FBLN1: variants seen among roughly 807,000 people sequenced by gnomAD.
FBLN1 encodes the protein fibulin-1.
A neutral mutation model predicts 89.7 loss-of-function variants in FBLN1; 34 were observed. The observed-to-expected ratio is 0.38, with a 90% CI of 0.29 to 0.50. FBLN1 has a LOEUF of 0.50. FBLN1 is among the 20% of genes least tolerant of loss of function. The pLI, the probability that FBLN1 is intolerant of heterozygous loss-of-function variation, is 0.92. For missense variants in FBLN1, 777 were observed against 988.1 expected, an observed-to-expected ratio of 0.79 and a Z score of 2.86; for synonymous variants, 393 against 391.3, an observed-to-expected ratio of 1.00 and a Z score of -0.05.
At chr22:45,522,232 C>T (rs1894657) in intron 2 of FBLN1, among the ~76,000 whole-genome samples, 60,210 of 152,088 alleles carry the variant, frequency 0.4, 14,059 homozygotes, top group East Asian at 0.72. Flanking sequence ...AGTGATTGGA[C>T]GCCTCAGCCT....
chr22:45,559,923 TG>T (rs2088831391), intron 14 of FBLN1, among the ~76,000 whole-genome samples: 1 of 152,262 alleles, frequency 6.6e-6, no homozygotes, highest in African/African-American at 2.4e-5. Flanking sequence ...GTTCTGGGTC[TG>T]TAAACTGGTT....
intron 11 of FBLN1, 152 bp downstream of exon 11, chr22:45,543,678 A>G (rs892801819): frequency 8.8e-7 from 1 of 1,133,828 alleles, no homozygotes; most frequent in Non-Finnish European, 1.3e-6. Context: ...ATTGTTCATC[A>G]GAGAGGACTG....
At chr22:45,547,267 A>G (rs2088642306) in intron 12 of FBLN1, 63 bp downstream of exon 12, 2 of 1,601,546 alleles carry the variant, frequency 1.2e-6, no homozygotes, top group Admixed American at 3.3e-5. Flanking sequence ...ACACAGCAGC[A>G]CGGCCTCTGA....
chr22:45,504,616 G>A (rs759222989), intron 1 of FBLN1, among the ~76,000 whole-genome samples: 7 of 152,116 alleles, frequency 4.6e-5, no homozygotes, highest in Non-Finnish European at 7.4e-5. Flanking sequence ...GAAGCTGAGG[G>A]CCTGAGAGAA....
chr22:45,515,866 G>T (rs2088163219), intron 1 of FBLN1, among the ~76,000 whole-genome samples: 1 of 152,248 alleles, frequency 6.6e-6, no homozygotes, highest in Admixed American at 6.5e-5. Context: ...GAGCAAGAAA[G>T]TGCTGGAGCT....
rs1380214816 is a variant in FBLN1 at position 45,577,031 on chromosome 22, T to A, written c.1895T>A (p.Ile632Asn). 1.2e-6 allele frequency: 2 copies of A among 1,614,124 alleles called. No individual in the cohort carries two copies. The highest frequency in any genetic ancestry group is 4.5e-5 in the East Asian group (2 of 44,866). The change falls in exon 16 of 17, where the codon ATC (isoleucine) becomes AAC (asparagine). Residue 632 changes from isoleucine (I) to asparagine (N), a missense_variant. Ile to Asn is a moderately radical substitution (Grantham distance 149). Coordinates refer to ENST00000327858, the MANE Select transcript of FBLN1 (RefSeq NM_006486.3). This position sits in a 1 kb window ranked among gnomAD's most constrained non-coding sequence, Gnocchi z 6.6. ...TPPHPASQAN[I>N]IFDITEGNLR... ...CCGCATCCTGCCAGCCAGGCTAACA[T>A]CATCTTCGACATCACGGAAGGGAAC...
intron 16 of FBLN1, among the ~76,000 whole-genome samples, chr22:45,587,431 G>T (rs554320900): frequency 4.0e-5 from 6 of 150,484 alleles, no homozygotes; most frequent in African/African-American, 1.5e-4. Context: ...ATCCATCCCC[G>T]CTGCCCGGCC....
At position 45,518,710 on chromosome 22, in the gene FBLN1, C is replaced by T. The variant is rs1391565713; in HGVS notation, c.108C>T (p.Cys36=). 1 of 1,610,706 alleles carries T rather than the reference C, an allele frequency of 6.2e-7. No homozygotes were observed. Among genetic ancestry groups the T allele is most frequent in the South Asian group, 1.1e-5 (1 of 90,044 alleles). ...GVDADVLLEA[C]CADGHRMATH... ...ACGCGGATGTCCTCCTGGAGGCCTG[C>T]TGTGCGGACGGACACCGGATGGCCA... is the stretch of plus-strand genomic sequence containing the variant. Residue 36 remains cysteine (C), a synonymous_variant, in exon 2 of 17, where the codon TGC becomes TGT. Transcript: ENST00000327858.
rs1012838035 is a variant in FBLN1 at position 45,575,256 on chromosome 22, G to T, written c.1840+603G>T. Among the ~76,000 whole-genome samples, 1 of 152,168 alleles carries T rather than the reference G, an allele frequency of 6.6e-6. No individual in the cohort carries two copies. The highest frequency in any genetic ancestry group is 1.5e-5 in the Non-Finnish European group (1 of 68,044). On this transcript the variant is annotated intron_variant, in intron 15 of 16. Coordinates refer to ENST00000327858, the MANE Select transcript of FBLN1 (RefSeq NM_006486.3). The surrounding 1 kb of genome is among the most constrained non-coding windows in gnomAD (Gnocchi z 6.3). The stretch of plus-strand genomic sequence containing the variant: ...GACCAGCACTGGAGAATCAGGGAGG[G>T]CCTCCGGGAGGAAGTGATGGCTAGG...
chr22:45,575,906 C>T lies in FBLN1; in HGVS notation c.1841-1071C>T, dbSNP rs1048008587. Among the ~76,000 whole-genome samples, 3 of 152,204 alleles carry T rather than the reference C, an allele frequency of 2.0e-5. No homozygotes were observed. Among genetic ancestry groups the T allele is most frequent in the African/African-American group, 4.8e-5 (2 of 41,446 alleles). On this transcript the variant is annotated intron_variant, in intron 15 of 16. Coordinates refer to ENST00000327858, the MANE Select transcript of FBLN1 (RefSeq NM_006486.3). This position sits in a 1 kb window ranked among gnomAD's most constrained non-coding sequence, Gnocchi z 6.3. ...TGCCATGATGAGTTCATTCAGCAGC[C>T]GTGGACGGAGCCCCTCTGTGTCAGG...
Position 45,533,748 on chromosome 22 carries a change from C to T in FBLN1, c.647-13C>T, listed in dbSNP as rs892038183. Reference sequence around the variant, plus strand: ...CTTGCTGGTCACCCCCGCACTGCCTCGGTCTCTCCTAGATGTCAATGAATG... The same window carrying T: ...CTTGCTGGTCACCCCCGCACTGCCTTGGTCTCTCCTAGATGTCAATGAATG... On this transcript the variant is annotated splice_polypyrimidine_tract_variant and intron_variant, in intron 6 of 16. Coordinates refer to ENST00000327858, the MANE Select transcript of FBLN1 (RefSeq NM_006486.3). 2.0e-5 allele frequency: 33 copies of T among 1,609,914 alleles called. No individual in the cohort carries two copies. Among genetic ancestry groups the T allele is most frequent in the African/African-American group, 2.7e-5 (2 of 75,028 alleles).
intron 14 of FBLN1, among the ~76,000 whole-genome samples, chr22:45,560,783 T>C (rs1322463687): frequency 6.6e-6 from 1 of 152,192 alleles, no homozygotes; most frequent in Non-Finnish European, 1.5e-5. Context: ...GGTCACACTC[T>C]CAACCTCATC....
chr22:45,573,694 A>AAAAAC (rs1422074338), intron 14 of FBLN1, among the ~76,000 whole-genome samples: 33 of 149,992 alleles, frequency 2.2e-4, no homozygotes, highest in East Asian at 1.4e-3. Context: ...AAAAAAAAAA[A>AAAAAC]AAAAAAACCC....
At chr22:45,508,461 C>G (rs2088054268) in intron 1 of FBLN1, among the ~76,000 whole-genome samples, 1 of 152,078 alleles carries the variant, frequency 6.6e-6, no homozygotes, top group Admixed American at 6.5e-5. Context: ...CGGGGTTTCA[C>G]TATGTTGGCC....
In FBLN1 at chr22:45,574,316, C is replaced by T. The variant is rs568613642; in HGVS notation, c.1698-195C>T. Among the ~76,000 whole-genome samples the T allele has an allele frequency of 6.4e-4, 97 of 152,316 alleles. No homozygotes were observed. The highest frequency in any genetic ancestry group is 3.4e-3 in the Middle Eastern group (1 of 294). On this transcript the variant is annotated intron_variant, in intron 14 of 16. Coordinates refer to ENST00000327858, the MANE Select transcript of FBLN1 (RefSeq NM_006486.3). The surrounding 1 kb of genome is among the most constrained non-coding windows in gnomAD (Gnocchi z 4.1). ...TGTTGCTGGCATTTAGGTCCCGGTCCAGTTTGCAGGAAGGGCCATGAAGCC... is the reference window on the plus strand; with the variant it reads ...TGTTGCTGGCATTTAGGTCCCGGTCTAGTTTGCAGGAAGGGCCATGAAGCC...
At chr22:45,587,593 C>T (rs137894321) in intron 16 of FBLN1, among the ~76,000 whole-genome samples, 170 of 152,294 alleles carry the variant, frequency 1.1e-3, no homozygotes, top group African/African-American at 3.8e-3. Context: ...GGGGGCCCAG[C>T]GCTCAGGGAT....
chr22:45,560,814 T>C (rs2088842128), intron 14 of FBLN1, among the ~76,000 whole-genome samples: 1 of 152,148 alleles, frequency 6.6e-6, no homozygotes, highest in Admixed American at 6.5e-5. Flanking sequence ...CGCCAGGACT[T>C]TAGTCTAGTT....
In FBLN1 at chr22:45,588,581, G is replaced by A. The variant is rs1056378376; in HGVS notation, c.1972+11473G>A. On this transcript the variant is annotated intron_variant, in intron 16 of 16. Coordinates refer to ENST00000327858, the MANE Select transcript of FBLN1 (RefSeq NM_006486.3). The surrounding 1 kb of genome is among the most constrained non-coding windows in gnomAD (Gnocchi z 5.1). ...CCCCAGCAGTTGCCCATAACTGGCC[G>A]CAGGATCCCACACACCTGCTGACTT... 3.9e-5 allele frequency among the ~76,000 whole-genome samples: 6 copies of A among 152,054 alleles called. No homozygotes were observed. Among genetic ancestry groups the A allele is most frequent in the African/African-American group, 7.3e-5 (3 of 41,376 alleles).
chr22:45,586,103 G>A (rs150870051), intron 16 of FBLN1, among the ~76,000 whole-genome samples: 1,771 of 152,276 alleles, frequency 0.012, 34 homozygotes, highest in African/African-American at 0.04. Context: ...GACCAGTCCC[G>A]GAAACCTCCC....
Sources: gnomAD v4.1 joint callset for allele counts (sites outside exome capture counted in the v4.1 genomes callset) on GRCh38, gnomAD v4.1.1 for gene constraint, Gnocchi (gnomAD v3.1) non-coding constraint, MANE v1.5 for transcripts, NCBI Gene and HGNC (gene_info 2026-07-23, HGNC 2026-07-21) for gene names.